LRIF1: variants seen among roughly 807,000 people sequenced by gnomAD.
LRIF1 encodes the protein ligand dependent nuclear receptor interacting factor 1, also known as ligand-dependent nuclear receptor-interacting factor 1.
In LRIF1, 32 loss-of-function variants were observed where a neutral mutation model predicts 52.7. That is an observed-to-expected ratio of 0.61 (90% CI 0.46 to 0.82). LRIF1 has a LOEUF of 0.82. Among genes scored for constraint, LRIF1 ranks in the 40% least tolerant of loss-of-function variants. LRIF1 has a pLI of 0.00. For missense variants in LRIF1, 887 were observed against 892.0 expected, an observed-to-expected ratio of 0.99 and a Z score of 0.07; for synonymous variants, 323 against 317.4, an observed-to-expected ratio of 1.02 and a Z score of -0.19.
At chr1:110,875,677 C>G in the LRIF1 span, among the ~76,000 whole-genome samples, 1,882 of 152,216 alleles carry the variant, frequency 0.012, 45 homozygotes, top group African/African-American at 0.043. Context: ...GACCCATCTG[C>G]CACTGCAGGT....
the LRIF1 span, among the ~76,000 whole-genome samples, chr1:110,898,946 T>C: frequency 6.6e-6 from 1 of 152,192 alleles, no homozygotes; most frequent in Non-Finnish European, 1.5e-5. Flanking sequence ...CCCGTTTCTC[T>C]CCTCACTGCT....
chr1:110,896,605 T>TC, the LRIF1 span: 1 of 1,568,108 alleles, frequency 6.4e-7, no homozygotes, highest in Non-Finnish European at 8.8e-7. Context: ...CAGCTTTTTT[T>TC]CACTGTTGAC....
In LRIF1 at chr1:110,952,776, G is replaced by A. The variant is rs772667331; in HGVS notation, c.108C>T (p.Gly36=). ...GCMYQVVQTI[G]SDGKNLLQLL... ...ATTGCAGAAGATTTTTTCCATCCGA[G>A]CCAATCGTCTGAACTACTTGGTACA... is the stretch of plus-strand genomic sequence containing the variant. Residue 36 remains glycine, a synonymous_variant, in exon 2 of 4, where the codon GGC becomes GGT. Transcript: ENST00000369763. 1.2e-6 allele frequency: 2 copies of A among 1,612,152 alleles called. No homozygotes were observed. The highest frequency in any genetic ancestry group is 2.2e-5 in the East Asian group (1 of 44,822).
the LRIF1 span, among the ~76,000 whole-genome samples, chr1:110,881,124 G>A: frequency 2.0e-5 from 3 of 152,082 alleles, no homozygotes; most frequent in African/African-American, 7.2e-5. Context: ...GGCCTTTGAC[G>A]TAAGTGTACA....
At chr1:110,917,648 G>GT in the LRIF1 span, among the ~76,000 whole-genome samples, 499 of 32,156 alleles carry the variant, frequency 0.016, 2 homozygotes, top group African/African-American at 0.084. Flanking sequence ...TTTTGTTTTT[G>GT]TTTTTTTTTT....
chr1:110,891,589 G>A, the LRIF1 span: 2 of 753,992 alleles, frequency 2.7e-6, no homozygotes, highest in East Asian at 2.6e-5. Flanking sequence ...GTCATGTCCA[G>A]CACAACCATC....
the LRIF1 span, among the ~76,000 whole-genome samples, chr1:110,887,021 A>T: frequency 4.8e-5 from 7 of 145,036 alleles, no homozygotes; most frequent in African/African-American, 1.3e-4. Context: ...TAGAAGTTTG[A>T]TTTGAGTCTT....
chr1:110,947,629 G>A lies in LRIF1; in HGVS notation c.*330C>T. On this transcript the variant is annotated 3_prime_UTR_variant, in exon 4 of 4. Transcript: ENST00000369763. Reference sequence around the variant, plus strand: ...AGTCACTATCTACTGCTGGAATAATGCCTGAGCAATTTAGGTAAAGATACA... The same window carrying A: ...AGTCACTATCTACTGCTGGAATAATACCTGAGCAATTTAGGTAAAGATACA... 1 of 184,500 alleles carries A rather than the reference G, an allele frequency of 5.4e-6. No homozygotes were observed. Among genetic ancestry groups the A allele is most frequent in the South Asian group, 1.4e-4 (1 of 7,132 alleles). The allele number at this position is 184,500 out of a possible 1,614,324, so 11.4% of individuals were successfully genotyped here.
intron 1 of LRIF1, among the ~76,000 whole-genome samples, chr1:110,957,187 G>A (rs1006089103): frequency 6.6e-6 from 1 of 151,276 alleles, no homozygotes; most frequent in East Asian, 2.0e-4. Flanking sequence ...GCCAGGTGCG[G>A]TGGCTCACGC....
the LRIF1 span, chr1:110,894,319 T>C: frequency 6.2e-7 from 1 of 1,613,720 alleles, no homozygotes; most frequent in Non-Finnish European, 8.5e-7. Context: ...GTATCTGCTT[T>C]GTCCCAGTTC....
At chr1:110,876,821 T>C in the LRIF1 span, among the ~76,000 whole-genome samples, 3 of 152,204 alleles carry the variant, frequency 2.0e-5, no homozygotes, top group Admixed American at 2.0e-4. Context: ...AAAAATATTA[T>C]GAAAAATTTC....
At chr1:110,883,950 T>G in the LRIF1 span, among the ~76,000 whole-genome samples, 1 of 152,036 alleles carries the variant, frequency 6.6e-6, no homozygotes, top group Non-Finnish European at 1.5e-5. Context: ...AGTTTATCAA[T>G]TTTATCAGTC....
the LRIF1 span, among the ~76,000 whole-genome samples, chr1:110,908,863 G>A: frequency 1.3e-5 from 2 of 152,064 alleles, no homozygotes; most frequent in Non-Finnish European, 2.9e-5. Context: ...AGACGTCAAC[G>A]CACAAGTTCA....
At chr1:110,932,735 A>G in the LRIF1 span, among the ~76,000 whole-genome samples, 1 of 152,212 alleles carries the variant, frequency 6.6e-6, no homozygotes, top group Non-Finnish European at 1.5e-5. Context: ...TTTGGAGGCT[A>G]TGGAAATCCT....
At chr1:110,919,037 T>C in the LRIF1 span, among the ~76,000 whole-genome samples, 2 of 152,170 alleles carry the variant, frequency 1.3e-5, no homozygotes, top group East Asian at 3.8e-4. Context: ...TGGCTATACA[T>C]TTACTTTGAG....
At chr1:110,896,701 C>A in the LRIF1 span, 20 of 1,613,286 alleles carry the variant, frequency 1.2e-5, no homozygotes, top group Non-Finnish European at 8.5e-7. Context: ...CAGTGGCCCA[C>A]CAGCATCTTG....
intron 1 of LRIF1, among the ~76,000 whole-genome samples, chr1:110,959,539 C>T (rs1008096018): frequency 6.6e-6 from 1 of 151,892 alleles, no homozygotes; most frequent in Non-Finnish European, 1.5e-5. Context: ...ATCATGAGGT[C>T]AAGAGATCGA....
chr1:110,901,477 C>CT, the LRIF1 span, among the ~76,000 whole-genome samples: 935 of 115,850 alleles, frequency 8.1e-3, 22 homozygotes, highest in South Asian at 0.029. Context: ...CGCACCCGGC[C>CT]TTTTTTTTTT....
intron 3 of LRIF1, among the ~76,000 whole-genome samples, 194 bp from the exon 4 acceptor site, chr1:110,948,593 A>T (rs1476871363): frequency 1.3e-5 from 2 of 152,370 alleles, no homozygotes; most frequent in East Asian, 1.9e-4. Flanking sequence ...CATATTCAGT[A>T]AGAAGAAATT....
Sources: gnomAD v4.1 joint callset for allele counts (sites outside exome capture counted in the v4.1 genomes callset) on GRCh38, gnomAD v4.1.1 for gene constraint, MANE v1.5 for transcripts, NCBI Gene and HGNC (gene_info 2026-07-23, HGNC 2026-07-21) for gene names.